Variants in ARHGAP39 observed in about 807,000 individuals in gnomAD.
ARHGAP39 encodes Rho GTPase activating protein 39.
ARHGAP39 carries 44 observed loss-of-function variants against 106.9 expected under a neutral mutation model. The observed-to-expected ratio is 0.41, with a 90% CI of 0.32 to 0.53. The LOEUF (loss-of-function observed/expected upper bound fraction) is 0.53, where lower values mean the gene tolerates loss of function less well. Among genes scored for constraint, ARHGAP39 ranks in the 20% least tolerant of loss-of-function variants. ARHGAP39 has a pLI of 0.21. For missense variants in ARHGAP39, 1,496 were observed against 1,577.3 expected, an observed-to-expected ratio of 0.95 and a Z score of 0.87; for synonymous variants, 768 against 693.2, an observed-to-expected ratio of 1.11 and a Z score of -1.69.
chr8:144,599,957 G>A (rs757383125), intron 2 of ARHGAP39, among the ~76,000 whole-genome samples: 15 of 152,222 alleles, frequency 9.9e-5, no homozygotes, highest in East Asian at 3.8e-4. Flanking sequence ...GATGGAAGAG[G>A]GGACCACAGA....
chr8:144,539,507 T>C (rs1286255929), intron 6 of ARHGAP39, among the ~76,000 whole-genome samples: 1 of 152,266 alleles, frequency 6.6e-6, no homozygotes, highest in Non-Finnish European at 1.5e-5. Flanking sequence ...CATTTTCTCC[T>C]GTTTTGTTCC....
chr8:144,688,387 G>A (rs149537272), upstream of ARHGAP39, among the ~76,000 whole-genome samples: 388 of 152,270 alleles, frequency 2.5e-3, 1 homozygote, highest in African/African-American at 8.4e-3. Flanking sequence ...TTACAGGCGT[G>A]AGCCACCACA....
intron 2 of ARHGAP39, among the ~76,000 whole-genome samples, chr8:144,603,319 A>C (rs540572931): frequency 6.6e-6 from 1 of 151,774 alleles, no homozygotes; most frequent in South Asian, 2.1e-4. Context: ...GTGCGTGTGC[A>C]TGTACCTGCA....
chr8:144,576,731 G>A (rs567172406), intron 3 of ARHGAP39, among the ~76,000 whole-genome samples: 12 of 152,310 alleles, frequency 7.9e-5, no homozygotes, highest in African/African-American at 2.9e-4. Flanking sequence ...AGAGGAAGCC[G>A]GAGGTTCCAG....
At chr8:144,589,114 C>T (rs957336536) in intron 2 of ARHGAP39, among the ~76,000 whole-genome samples, 2 of 152,126 alleles carry the variant, frequency 1.3e-5, no homozygotes, top group African/African-American at 2.4e-5. Flanking sequence ...AAGGCACCGG[C>T]GGCATGACGG....
At chr8:144,648,975 TAA>T (rs999929980) in intron 1 of ARHGAP39, among the ~76,000 whole-genome samples, 1 of 151,150 alleles carries the variant, frequency 6.6e-6, no homozygotes, top group South Asian at 2.1e-4. Context: ...ATCCCAAAGC[TAA>T]AAAAAGACAA....
intron 2 of ARHGAP39, among the ~76,000 whole-genome samples, chr8:144,590,826 G>C (rs910224101): frequency 6.6e-6 from 1 of 152,114 alleles, no homozygotes; most frequent in African/African-American, 2.4e-5. Flanking sequence ...CCAGGCCAGA[G>C]GCTTGTCTCC....
chr8:144,533,307 C>G lies in ARHGAP39; in HGVS notation c.2707G>C (p.Val903Leu). 1.9e-6 allele frequency: 3 copies of G among 1,612,992 alleles called. No homozygotes were observed. The highest frequency in any genetic ancestry group is 2.5e-6 in the Non-Finnish European group (3 of 1,179,934). ...TTCTTGGCATGCCGGATCTCCTCCA[C>G]GTTGGGCTTCTTCAGCCCCTGTGAA... ...GAKKGLKKPN[V>L]EEIRHAKNAV... The change falls in exon 9 of 12, where the codon GTG (valine) becomes CTG (leucine). Residue 903 changes from valine (V) to leucine (L), a missense_variant. Coordinates refer to ENST00000377307, the MANE Select transcript of ARHGAP39 (RefSeq NM_025251.3).
chr8:144,641,657 C>A lies in ARHGAP39; in HGVS notation c.-81-35962G>T, dbSNP rs544735215. Reference sequence around the variant, plus strand: ...CCTCCGCCAAAAGCAGAGCCTGAGACGAGGATGTGGCTTCATGGGCTCTAT... The same window carrying A: ...CCTCCGCCAAAAGCAGAGCCTGAGAAGAGGATGTGGCTTCATGGGCTCTAT... On this transcript the variant is annotated intron_variant, in intron 1 of 11. Transcript: ENST00000377307. This position sits in a 1 kb window ranked among gnomAD's most constrained non-coding sequence, Gnocchi z 5.2. Among the ~76,000 whole-genome samples the A allele has an allele frequency of 6.6e-6, 1 of 152,242 alleles. No homozygotes were observed. Among genetic ancestry groups the A allele is most frequent in the East Asian group, 1.9e-4 (1 of 5,196 alleles).
chr8:144,551,055 G>GT (rs1339003634), intron 4 of ARHGAP39, among the ~76,000 whole-genome samples: 3 of 152,258 alleles, frequency 2.0e-5, no homozygotes, highest in African/African-American at 4.8e-5. Context: ...CGAACCATTA[G>GT]TTTTGCATAT....
At position 144,548,552 on chromosome 8, in the gene ARHGAP39, C is replaced by T. The variant is rs1248304175; in HGVS notation, c.597-63G>A. The T allele has an allele frequency of 1.0e-5, 16 of 1,547,950 alleles. No individual in the cohort carries two copies. The highest frequency in any genetic ancestry group is 5.6e-5 in the Admixed American group (3 of 54,044). ...CTGCTGCTTCTGGGCACGCCCCACCCCCTCGGGGGCTGTAGGCAGCGGCTC... is the reference window on the plus strand; with the variant it reads ...CTGCTGCTTCTGGGCACGCCCCACCTCCTCGGGGGCTGTAGGCAGCGGCTC... On this transcript the variant is annotated intron_variant, in intron 4 of 11. Transcript: ENST00000377307. This position sits in a 1 kb window ranked among gnomAD's most constrained non-coding sequence, Gnocchi z 7.4.
chr8:144,647,839 G>A lies in ARHGAP39; in HGVS notation c.-82+37847C>T, dbSNP rs1215726958. ...GAGAACAGTGTTTCCAAGCAAAAGT[G>A]CACCCATGTGCCAAGTACTGTACAT... On this transcript the variant is annotated intron_variant, in intron 1 of 11. Coordinates refer to ENST00000377307, the MANE Select transcript of ARHGAP39 (RefSeq NM_025251.3). This position sits in a 1 kb window ranked among gnomAD's most constrained non-coding sequence, Gnocchi z 4.8. Among the ~76,000 whole-genome samples the A allele has an allele frequency of 6.6e-6, 1 of 152,214 alleles. No individual in the cohort carries two copies.
At chr8:144,648,327 G>T (rs1821493975) in intron 1 of ARHGAP39, among the ~76,000 whole-genome samples, 1 of 152,196 alleles carries the variant, frequency 6.6e-6, no homozygotes, top group African/African-American at 2.4e-5. Context: ...CCAGGAGAGA[G>T]GATCATATAC....
chr8:144,584,689 G>T (rs1037449289), intron 2 of ARHGAP39, among the ~76,000 whole-genome samples: 2 of 152,172 alleles, frequency 1.3e-5, no homozygotes, highest in African/African-American at 4.8e-5. Context: ...CTTGAACCCG[G>T]GAGGCAGAGG....
rs1451090263 is a variant in ARHGAP39, at chr8:144,547,062, CG to C, written c.1959+64del. ...CGCCAGGTCTCCTGTGCCTGGCCCACGGGGTCCACTCTGACTGGGCTGGCCC... is the reference window on the plus strand; with the variant it reads ...CGCCAGGTCTCCTGTGCCTGGCCCACGGGTCCACTCTGACTGGGCTGGCCC... On this transcript the variant is annotated intron_variant, in intron 5 of 11. Coordinates refer to ENST00000377307, the MANE Select transcript of ARHGAP39 (RefSeq NM_025251.3). This position sits in a 1 kb window ranked among gnomAD's most constrained non-coding sequence, Gnocchi z 5.2. The C allele has an allele frequency of 5.4e-6, 8 of 1,472,160 alleles. No individual in the cohort carries two copies. Among genetic ancestry groups the C allele is most frequent in the Non-Finnish European group, 7.2e-6 (8 of 1,110,932 alleles). The allele number at this position is 1,472,160 out of a possible 1,614,324, so 91.2% of individuals were successfully genotyped here. A position where few individuals can be genotyped will look rare whatever the true frequency, so the allele number is the denominator to read the frequency against.
intron 1 of ARHGAP39, among the ~76,000 whole-genome samples, chr8:144,619,569 C>CGT (rs992169212): frequency 6.7e-6 from 1 of 148,356 alleles, no homozygotes; most frequent in Non-Finnish European, 1.5e-5. Context: ...CGTGAGTACC[C>CGT]GTGTGTGTGT....
intron 2 of ARHGAP39, among the ~76,000 whole-genome samples, chr8:144,582,256 C>T (rs181013842): frequency 2.2e-4 from 34 of 152,330 alleles, no homozygotes; most frequent in Admixed American, 6.5e-4. Context: ...TGGCGGCCGG[C>T]GCAGACTGGC....
chr8:144,532,310 A>T lies in ARHGAP39; in HGVS notation c.2975T>A (p.Val992Asp), dbSNP rs1816758443. The T allele has an allele frequency of 6.2e-7, 1 of 1,612,530 alleles. No individual in the cohort carries two copies. The highest frequency in any genetic ancestry group is 8.5e-7 in the Non-Finnish European group (1 of 1,179,712). ...KVPTGLEDPH[V>D]PASLLKLWYR... ...AGCGTGTGTGGGGGACTCACCAGGG[A>T]CGTGGGGGTCTTCCAGGCCTGTGGG... The change falls in exon 10 of 12, where the codon GTC becomes GAC. Residue 992 changes from valine to aspartate, a missense_variant. Val to Asp is a radical substitution (Grantham distance 152, BLOSUM62 -3). This residue lies in a region of ARHGAP39 where 470 missense variants were observed against 605.1 expected (regional missense o/e 0.78). Coordinates refer to ENST00000377307, the MANE Select transcript of ARHGAP39 (RefSeq NM_025251.3).
rs541411807 is a variant in ARHGAP39 at position 144,550,417 on chromosome 8, C to T, written c.597-1928G>A. ...GAGTTTGAGACCAGCCTGGGGAACA[C>T]AGTGAGACCCCATCTCTAAAACAAA... On this transcript the variant is annotated intron_variant, in intron 4 of 11. Coordinates refer to ENST00000377307, the MANE Select transcript of ARHGAP39 (RefSeq NM_025251.3). Among the ~76,000 whole-genome samples the T allele has an allele frequency of 2.6e-5, 4 of 152,322 alleles. No individual in the cohort carries two copies. The South Asian group carries it at 8.3e-4, about 32-fold the overall frequency.
Sources: gnomAD v4.1 joint callset for allele counts (sites outside exome capture counted in the v4.1 genomes callset) on GRCh38, gnomAD v4.1.1 for gene constraint, gnomAD v4.1.1 regional missense constraint, Gnocchi (gnomAD v3.1) non-coding constraint, MANE v1.5 for transcripts, NCBI Gene and HGNC (gene_info 2026-07-23, HGNC 2026-07-21) for gene names.